Variants in RAI14 observed in about 807,000 individuals in gnomAD.
RAI14 encodes ankycorbin.
Under a neutral mutation model 115.4 loss-of-function variants are expected in RAI14, and 45 were observed. The ratio of observed to expected loss-of-function variants is 0.39; its 90% confidence interval spans 0.31 to 0.50. RAI14 has a LOEUF of 0.50. Among genes scored for constraint, RAI14 ranks in the 20% least tolerant of loss-of-function variants. RAI14 has a pLI of 0.85. For missense variants in RAI14, 939 were observed against 1,131.2 expected, an observed-to-expected ratio of 0.83 and a Z score of 2.44; for synonymous variants, 371 against 415.4, an observed-to-expected ratio of 0.89 and a Z score of 1.30.
chr5:34,828,159 C>T (rs572630258), intron 16 of RAI14, among the ~76,000 whole-genome samples: 1 of 152,124 alleles, frequency 6.6e-6, no homozygotes, highest in South Asian at 2.1e-4. Context: ...GCTAACCAGT[C>T]GCAGTAGGGG....
chr5:34,744,147 A>G (rs532080210), intron 2 of RAI14, among the ~76,000 whole-genome samples: 4 of 152,232 alleles, frequency 2.6e-5, no homozygotes, highest in East Asian at 1.9e-4. Context: ...GTGTCCTTGG[A>G]TAATAGCCAG....
intron 1 of RAI14, among the ~76,000 whole-genome samples, chr5:34,663,853 C>T (rs528577042): frequency 1.3e-5 from 2 of 152,346 alleles, no homozygotes; most frequent in African/African-American, 2.4e-5. Context: ...TCCTTATCCA[C>T]TCTTTGCGGA....
intron 2 of RAI14, among the ~76,000 whole-genome samples, chr5:34,694,795 A>G (rs934060834): frequency 3.3e-5 from 5 of 152,210 alleles, no homozygotes; most frequent in African/African-American, 1.2e-4. Context: ...TGTATTTCCC[A>G]ATGCTGAGAA....
In RAI14 at chr5:34,832,161, T is replaced by A. The variant is rs1758061975; in HGVS notation, c.*1396T>A. 1 of 152,604 alleles carries A rather than the reference T, an allele frequency of 6.6e-6. No individual in the cohort carries two copies. Among genetic ancestry groups the A allele is most frequent in the Non-Finnish European group, 1.5e-5 (1 of 68,052 alleles). 9.5% of individuals were successfully genotyped at this position (152,604 alleles called of 1,614,324 possible). On this transcript the variant is annotated 3_prime_UTR_variant, in exon 18 of 18. Coordinates refer to ENST00000265109, the MANE Select transcript of RAI14 (RefSeq NM_015577.3). ...AAAGTATTTAACTGAAAGTAGGGCC[T>A]GCTCTGACAGGGCCCATGTCCCACA...
At chr5:34,745,893 A>G (rs896369008) in intron 2 of RAI14, among the ~76,000 whole-genome samples, 1 of 152,062 alleles carries the variant, frequency 6.6e-6, no homozygotes, top group African/African-American at 2.4e-5. Context: ...CCCCAAGAAA[A>G]GGTAAAAGCC....
chr5:34,680,254 C>T (rs1744290790), intron 1 of RAI14, among the ~76,000 whole-genome samples: 1 of 152,096 alleles, frequency 6.6e-6, no homozygotes, highest in Non-Finnish European at 1.5e-5. Context: ...TAACAGAGTA[C>T]CAGAGACTGG....
At chr5:34,732,979 CTG>C (rs1158129956) in intron 2 of RAI14, 1 of 152,092 alleles carries the variant, frequency 6.6e-6, no homozygotes, top group African/African-American at 2.4e-5. Flanking sequence ...AGTAACTTCT[CTG>C]TGTTGAGAAG....
chr5:34,773,907 G>A (rs1246634453), intron 3 of RAI14, among the ~76,000 whole-genome samples: 2 of 152,128 alleles, frequency 1.3e-5, no homozygotes, highest in African/African-American at 2.4e-5. Flanking sequence ...TTATCCAAAG[G>A]AACAGAAATT....
rs1440527683 is a variant in RAI14 at position 34,829,810 on chromosome 5, C to T, written c.2865+13C>T. ...GTATGCTGTGCAGGTATGGTTATGC[C>T]CCTTGAAGTATCTGGACATCCTAAA... On this transcript the variant is annotated intron_variant, in intron 17 of 17. Coordinates refer to ENST00000265109, the MANE Select transcript of RAI14 (RefSeq NM_015577.3). 4 of 1,592,982 alleles carry T rather than the reference C, an allele frequency of 2.5e-6. No individual in the cohort carries two copies. The highest frequency in any genetic ancestry group is 2.6e-6 in the Non-Finnish European group (3 of 1,166,456).
intron 3 of RAI14, among the ~76,000 whole-genome samples, chr5:34,795,678 C>A (rs778120643): frequency 1.3e-5 from 2 of 152,072 alleles, no homozygotes; most frequent in Non-Finnish European, 2.9e-5. Context: ...TTTTTCAAGC[C>A]TGGTCTTTGG....
chr5:34,748,767 G>T (rs1171673642), intron 2 of RAI14, among the ~76,000 whole-genome samples: 2 of 151,098 alleles, frequency 1.3e-5, no homozygotes, highest in African/African-American at 4.9e-5. Flanking sequence ...TTCAAGATCA[G>T]CCTGGGCAAC....
intron 2 of RAI14, among the ~76,000 whole-genome samples, chr5:34,708,786 C>G (rs10077678): frequency 0.073 from 11,135 of 152,072 alleles, 989 homozygotes; most frequent in African/African-American, 0.21. Flanking sequence ...CATTATGCCA[C>G]AGATAAAATA....
intron 2 of RAI14, among the ~76,000 whole-genome samples, chr5:34,722,675 G>A (rs142564926): frequency 3.7e-4 from 56 of 152,060 alleles, no homozygotes; most frequent in African/African-American, 1.3e-3. Context: ...GTGAAACCCC[G>A]TCTCTACTAA....
At chr5:34,800,703 C>T (rs539002389) in intron 4 of RAI14, among the ~76,000 whole-genome samples, 70 of 152,220 alleles carry the variant, frequency 4.6e-4, no homozygotes, top group Non-Finnish European at 9.0e-4. Context: ...TATAGAAACC[C>T]GGCACTTCCA....
intron 3 of RAI14, among the ~76,000 whole-genome samples, chr5:34,779,839 T>C (rs1362312714): frequency 6.6e-6 from 1 of 152,108 alleles, no homozygotes; most frequent in Admixed American, 6.5e-5. Context: ...AAGCTACCAA[T>C]GACTTTCTTC....
chr5:34,676,266 T>G (rs1231621244), intron 1 of RAI14, among the ~76,000 whole-genome samples: 1 of 152,178 alleles, frequency 6.6e-6, no homozygotes, highest in Non-Finnish European at 1.5e-5. Flanking sequence ...TTGGGGTCAG[T>G]TGCTGGGCAC....
chr5:34,692,914 G>C (rs765252686), intron 2 of RAI14, among the ~76,000 whole-genome samples: 43 of 152,264 alleles, frequency 2.8e-4, no homozygotes, highest in Non-Finnish European at 1.8e-4. Context: ...TGGCACGGTT[G>C]GTTCCTTGTG....
At chr5:34,724,594 C>G (rs1353525685) in intron 2 of RAI14, among the ~76,000 whole-genome samples, 2 of 151,932 alleles carry the variant, frequency 1.3e-5, no homozygotes, top group African/African-American at 4.8e-5. Flanking sequence ...ATTCTGAGAA[C>G]AGAGAGCAAG....
At chr5:34,680,160 C>A (rs958197496) in intron 1 of RAI14, among the ~76,000 whole-genome samples, 7 of 152,190 alleles carry the variant, frequency 4.6e-5, no homozygotes, top group Non-Finnish European at 7.3e-5. Flanking sequence ...CCAAAGGAGT[C>A]AGACTGGGGG....
Sources: allele counts gnomAD v4.1 joint callset (sites outside exome capture counted in the v4.1 genomes callset), GRCh38; gene constraint gnomAD v4.1.1; transcripts MANE v1.5; gene names NCBI Gene and HGNC (gene_info 2026-07-23, HGNC 2026-07-21).